The following AOAH variants were observed in gnomAD, a reference collection of about 807,000 sequenced individuals.
AOAH encodes acyloxyacyl hydrolase (neutrophil).
AOAH carries 64 observed loss-of-function variants against 92.2 expected under a neutral mutation model. The observed-to-expected ratio is 0.69, with a 90% CI of 0.57 to 0.86. The LOEUF is 0.86. Ranked by LOEUF, AOAH falls within the 40% of genes least tolerant of loss-of-function variation. AOAH has a pLI of 0.00. For synonymous variants in AOAH, 263 were observed against 254.5 expected, an observed-to-expected ratio of 1.03 and a Z score of -0.32; for missense variants, 656 against 694.6, an observed-to-expected ratio of 0.94 and a Z score of 0.62.
intron 11 of AOAH, among the ~76,000 whole-genome samples, chr7:36,600,530 C>G (rs1489285122): frequency 6.6e-6 from 1 of 152,168 alleles, no homozygotes; most frequent in South Asian, 2.1e-4. Context: ...GGGGAAAGGC[C>G]CCCGGGAGAC....
chr7:36,723,097 G>A (rs1415161294), intron 1 of AOAH, among the ~76,000 whole-genome samples: 1 of 152,084 alleles, frequency 6.6e-6, no homozygotes, highest in African/African-American at 2.4e-5. Context: ...TCTGTGTCCA[G>A]ATTTTCCATT....
chr7:36,571,729 C>G (rs1261070798), intron 13 of AOAH, among the ~76,000 whole-genome samples: 1 of 152,238 alleles, frequency 6.6e-6, no homozygotes, highest in Non-Finnish European at 1.5e-5. Flanking sequence ...CAGCTACCCT[C>G]CTGCCTGCTG....
At chr7:36,567,055 A>T (rs561750601) in intron 13 of AOAH, among the ~76,000 whole-genome samples, 79 of 152,002 alleles carry the variant, frequency 5.2e-4, no homozygotes, top group Non-Finnish European at 5.6e-4. Flanking sequence ...CAAGTGATGC[A>T]CCCACCTCGG....
intron 19 of AOAH, among the ~76,000 whole-genome samples, chr7:36,522,954 C>T (rs1159165842): frequency 1.3e-5 from 2 of 152,188 alleles, no homozygotes; most frequent in Non-Finnish European, 2.9e-5. Flanking sequence ...CCCTTCTCAT[C>T]CCAAAGGAAG....
chr7:36,567,087 C>T (rs1787767980), intron 13 of AOAH, among the ~76,000 whole-genome samples: 1 of 152,178 alleles, frequency 6.6e-6, no homozygotes, highest in Non-Finnish European at 1.5e-5. Flanking sequence ...GCTGGAATTA[C>T]AGGCGTGAGC....
At chr7:36,722,961 A>AAAAAAAAT in intron 1 of AOAH, among the ~76,000 whole-genome samples, 1 of 149,652 alleles carries the variant, frequency 6.7e-6, no homozygotes, top group East Asian at 2.0e-4. Flanking sequence ...AAAAAAAAAA[A>AAAAAAAAT]GGACTTTGGA....
chr7:36,548,978 C>G (rs1313921531), intron 14 of AOAH, among the ~76,000 whole-genome samples: 2 of 152,176 alleles, frequency 1.3e-5, no homozygotes, highest in South Asian at 2.1e-4. Context: ...TGGCATCTTT[C>G]ACAGCAATTG....
chr7:36,587,072 G>A (rs144744402), intron 12 of AOAH, among the ~76,000 whole-genome samples: 122 of 151,914 alleles, frequency 8.0e-4, no homozygotes, highest in African/African-American at 2.7e-3. Flanking sequence ...AGGAGTTCGC[G>A]ACCAGCCTGG....
At chr7:36,604,683 C>A (rs1362518386) in intron 11 of AOAH, among the ~76,000 whole-genome samples, 1 of 152,188 alleles carries the variant, frequency 6.6e-6, no homozygotes, top group Non-Finnish European at 1.5e-5. Context: ...ACCTCAGACC[C>A]CAGGATGGAA....
chr7:36,694,477 C>T (rs925793489), intron 1 of AOAH, among the ~76,000 whole-genome samples: 15 of 151,492 alleles, frequency 9.9e-5, no homozygotes, highest in Admixed American at 9.2e-4. Flanking sequence ...GTGACAAGAG[C>T]AAAACTCCAT....
At chr7:36,583,167 T>G (rs2116699065) in intron 12 of AOAH, among the ~76,000 whole-genome samples, 1 of 152,190 alleles carries the variant, frequency 6.6e-6, no homozygotes, top group Non-Finnish European at 1.5e-5. Flanking sequence ...AAGTTGAATC[T>G]TAGGGAATAA....
chr7:36,621,632 G>T, intron 8 of AOAH, 78 bp downstream of exon 8: 2 of 1,321,096 alleles, frequency 1.5e-6, no homozygotes, highest in Non-Finnish European at 2.2e-6. Flanking sequence ...AATCCCCTAG[G>T]CTGGGGGAAG....
intron 20 of AOAH, among the ~76,000 whole-genome samples, chr7:36,518,931 T>C (rs191397691): frequency 7.9e-5 from 12 of 152,340 alleles, no homozygotes; most frequent in Admixed American, 6.5e-4. Flanking sequence ...CAGGATGCAC[T>C]TGACTTTGAT....
intron 3 of AOAH, among the ~76,000 whole-genome samples, chr7:36,671,939 G>A (rs1795965651): frequency 2.0e-5 from 3 of 152,110 alleles, no homozygotes; most frequent in Admixed American, 1.3e-4. Flanking sequence ...TGAAGACTTC[G>A]AATAATTTTA....
chr7:36,666,517 A>G (rs1407696903), intron 3 of AOAH, among the ~76,000 whole-genome samples: 3 of 151,786 alleles, frequency 2.0e-5, no homozygotes, highest in Admixed American at 6.6e-5. Context: ...ATTTTCTATT[A>G]ATTTTCTATT....
chr7:36,561,427 C>T (rs1327953745), intron 13 of AOAH, among the ~76,000 whole-genome samples: 4 of 152,156 alleles, frequency 2.6e-5, no homozygotes, highest in Admixed American at 2.6e-4. Flanking sequence ...TATCTCTATT[C>T]AGGGAAGGTG....
chr7:36,572,432 A>G (rs552563276), intron 13 of AOAH, among the ~76,000 whole-genome samples: 1 of 152,154 alleles, frequency 6.6e-6, no homozygotes, highest in Non-Finnish European at 1.5e-5. Context: ...CTAAGGTGGG[A>G]GGATCACTTG....
At chr7:36,669,596 T>C (rs1795787662) in intron 3 of AOAH, among the ~76,000 whole-genome samples, 1 of 152,090 alleles carries the variant, frequency 6.6e-6, no homozygotes, top group African/African-American at 2.4e-5. Flanking sequence ...TTGGTTAGGT[T>C]GATCTCAAAC....
At chr7:36,575,158 G>C (rs987553074) in intron 13 of AOAH, among the ~76,000 whole-genome samples, 5 of 152,126 alleles carry the variant, frequency 3.3e-5, no homozygotes, top group African/African-American at 1.2e-4. Context: ...GAGTCACATG[G>C]CCAGATTTGA....
Sources: allele counts gnomAD v4.1 joint callset (sites outside exome capture counted in the v4.1 genomes callset), GRCh38; gene constraint gnomAD v4.1.1; transcripts MANE v1.5; gene names NCBI Gene and HGNC (gene_info 2026-07-23, HGNC 2026-07-21).